The following TRPC7 variants were observed in gnomAD, a reference collection of about 807,000 sequenced individuals.
TRPC7 encodes short transient receptor potential channel 7.
In TRPC7, 42 loss-of-function variants were observed where a neutral mutation model predicts 90.1. The observed-to-expected ratio is 0.47, with a 90% CI of 0.36 to 0.60. The LOEUF (loss-of-function observed/expected upper bound fraction) is 0.60, where lower values mean the gene tolerates loss of function less well. Ranked by LOEUF, TRPC7 falls within the 20% of genes least tolerant of loss-of-function variation. The probability of loss-of-function intolerance (pLI) is 0.00; values close to 1 mark genes in which losing one functional copy is unlikely to be tolerated. For synonymous variants in TRPC7, 451 were observed against 436.3 expected, an observed-to-expected ratio of 1.03 and a Z score of -0.42; for missense variants, 955 against 1,112.3, an observed-to-expected ratio of 0.86 and a Z score of 2.01.
chr5:136,276,358 T>C (rs1280925488), intron 3 of TRPC7, among the ~76,000 whole-genome samples: 1 of 152,182 alleles, frequency 6.6e-6, no homozygotes, highest in Non-Finnish European at 1.5e-5. Flanking sequence ...ATCAACTGAG[T>C]ACCCTGGAAC....
chr5:136,351,809 AG>A (rs1760202414), intron 2 of TRPC7, among the ~76,000 whole-genome samples: 1 of 152,256 alleles, frequency 6.6e-6, no homozygotes, highest in South Asian at 2.1e-4. Context: ...GTAGTATTTT[AG>A]GCCCAGAGAA....
intron 11 of TRPC7, 29 bp from the exon 12 acceptor site, chr5:136,213,633 T>G (rs753412727): frequency 1.1e-5 from 17 of 1,611,988 alleles, no homozygotes; most frequent in Non-Finnish European, 1.3e-5. Context: ...TTTTGCTGAG[T>G]CTGAGTAGGT....
In TRPC7 at chr5:136,315,308, G is replaced by A. The variant is rs113357440; in HGVS notation, c.963+289C>T. On this transcript the variant is annotated intron_variant, in intron 3 of 11. Transcript: ENST00000513104. ...CCTCGCGGTGACATTGTCCCTGCCAGTGGGTTGAGGCTGAAGATGTCTTCT... is the reference window on the plus strand; with the variant it reads ...CCTCGCGGTGACATTGTCCCTGCCAATGGGTTGAGGCTGAAGATGTCTTCT... Among the ~76,000 whole-genome samples the A allele has an allele frequency of 3.2e-3, 486 of 152,314 alleles. 6 individuals carry two copies. Among genetic ancestry groups the A allele is most frequent in the Non-Finnish European group, 4.4e-3 (296 of 68,032 alleles).
At chr5:136,315,527 C>T in intron 3 of TRPC7, 70 bp downstream of exon 3, 3 of 1,545,510 alleles carry the variant, frequency 1.9e-6, no homozygotes, top group Non-Finnish European at 2.6e-6. Flanking sequence ...TAGACATGAG[C>T]AAAAAGCAAG....
Position 136,274,784 on chromosome 5 carries a change from A to G in TRPC7, c.1017T>C (p.Asn339=). 6.3e-7 allele frequency: 1 copy of G among 1,598,470 alleles called. No homozygotes were observed. Among genetic ancestry groups the G allele is most frequent in the Non-Finnish European group, 8.5e-7 (1 of 1,172,216 alleles). ...TAGACTGTTGACGTAAGCCTGAGAG[A>G]TTTTCATACCACATGGTAAGCAATT... ...QQQLLTMWYE[N]LSGLRQQSIA... The change falls in exon 4 of 12, where the codon AAT becomes AAC. Residue 339 remains asparagine (N), a synonymous_variant. Coordinates refer to ENST00000513104, the MANE Select transcript of TRPC7 (RefSeq NM_020389.3).
intron 5 of TRPC7, among the ~76,000 whole-genome samples, chr5:136,255,940 A>C (rs1756673933): frequency 1.3e-5 from 2 of 152,322 alleles, no homozygotes; most frequent in East Asian, 3.9e-4. Context: ...ATTGGGCTCA[A>C]ATCAGTTAGA....
chr5:136,356,348 CCTGT>C (rs1262187875), intron 2 of TRPC7, among the ~76,000 whole-genome samples: 1 of 152,250 alleles, frequency 6.6e-6, no homozygotes, highest in African/African-American at 2.4e-5. Flanking sequence ...CCTGCACTCG[CCTGT>C]CTTTTACTGC....
In TRPC7 at chr5:136,274,731, C is replaced by A; in HGVS notation, c.1070G>T (p.Gly357Val). The change falls in exon 4 of 12, where the codon GGA (glycine) becomes GTA (valine). Residue 357 changes from glycine to valine, a missense_variant. Physicochemically the swap from Gly to Val is moderately radical, Grantham distance 109 (BLOSUM62 -3). This residue lies in a region of TRPC7 where 484 missense variants were observed against 509.6 expected (regional missense o/e 0.95). Transcript: ENST00000513104. ...SIAVKFLAVF[G>V]VSIGLPFLAI... is the part of the protein sequence containing the mutation. ...GAGAAAAGGGAGGCCTATGGAGACT[C>A]CAAAGACAGCCAGGAATTTCACAGC... is the stretch of plus-strand genomic sequence containing the variant. 1 of 1,612,812 alleles carries A rather than the reference C, an allele frequency of 6.2e-7. No homozygotes were observed.
At chr5:136,295,556 C>A (rs889968691) in intron 3 of TRPC7, among the ~76,000 whole-genome samples, 7 of 152,144 alleles carry the variant, frequency 4.6e-5, no homozygotes, top group African/African-American at 1.7e-4. Context: ...CAGTCCCCTC[C>A]CCGTCCACTG....
intron 2 of TRPC7, among the ~76,000 whole-genome samples, chr5:136,352,738 C>T (rs552321613): frequency 1.3e-5 from 2 of 152,258 alleles, no homozygotes; most frequent in Admixed American, 1.3e-4. Flanking sequence ...GCTCCCAAAA[C>T]CCATTTTAGG....
intron 2 of TRPC7, among the ~76,000 whole-genome samples, chr5:136,338,759 G>A (rs548087431): frequency 7.6e-4 from 115 of 152,172 alleles, no homozygotes; most frequent in African/African-American, 2.5e-3. Context: ...TTCTTGATTG[G>A]CATTAAATGG....
At chr5:136,283,341 T>A (rs1051191928) in intron 3 of TRPC7, among the ~76,000 whole-genome samples, 1 of 152,218 alleles carries the variant, frequency 6.6e-6, no homozygotes, top group Non-Finnish European at 1.5e-5. Context: ...TAGATGTCCA[T>A]CTATTTTCCC....
chr5:136,226,098 CAG>C lies in TRPC7; in HGVS notation c.2196_2197del (p.Cys733GlnfsTer3). 6.2e-7 allele frequency: 1 copy of C among 1,604,294 alleles called. No homozygotes were observed. The highest frequency in any genetic ancestry group is 1.3e-5 in the African/African-American group (1 of 75,000). On this transcript the variant is annotated frameshift_variant, in exon 9 of 12. Transcript: ENST00000513104. LOFTEE classifies it high-confidence loss of function. ...TTCACAGCTTTTGGCCTTAGATTTG[CAG>C]AGTTTTATGAGGCACATCTTGATTC...
rs185493620 is a variant in TRPC7, at chr5:136,349,572, G to C, written c.780+7036C>G. Among the ~76,000 whole-genome samples, 254 of 151,924 alleles carry C rather than the reference G, an allele frequency of 1.7e-3. 1 individual carries two copies. Among genetic ancestry groups the C allele is most frequent in the African/African-American group, 6.0e-3 (251 of 41,532 alleles). ...ATCCTCACCAACACCCTGGGAGGTC[G>C]TTATTCATTAATTTGATCACTGATT... On this transcript the variant is annotated intron_variant, in intron 2 of 11. Coordinates refer to ENST00000513104, the MANE Select transcript of TRPC7 (RefSeq NM_020389.3).
At chr5:136,318,854 T>TA (rs146859082) in intron 2 of TRPC7, among the ~76,000 whole-genome samples, 7 of 152,094 alleles carry the variant, frequency 4.6e-5, no homozygotes, top group African/African-American at 1.7e-4. Context: ...GTTTTTTTTT[T>TA]ACCCACCTTA....
Position 136,228,929 on chromosome 5 carries a change from C to T in TRPC7, c.2040+2425G>A, listed in dbSNP as rs186428829. Among the ~76,000 whole-genome samples the T allele has an allele frequency of 2.7e-3, 417 of 152,308 alleles. 2 individuals are homozygous for T. Among genetic ancestry groups the T allele is most frequent in the Non-Finnish European group, 4.4e-3 (297 of 68,042 alleles). On this transcript the variant is annotated intron_variant, in intron 8 of 11. Transcript: ENST00000513104. ...ACATCACATGCCGTGGGCTTGCCTG[C>T]TCCTGCCCTCAGCTAGTGGGCATCC...
In TRPC7 at chr5:136,353,121, G is replaced by A. The variant is rs192237550; in HGVS notation, c.780+3487C>T. ...ATATCTTTCTAGATCCAAGATTAGA[G>A]AGACATAAGAAAATCCTTGAACAGC... On this transcript the variant is annotated intron_variant, in intron 2 of 11. Transcript: ENST00000513104. 2.9e-3 allele frequency among the ~76,000 whole-genome samples: 449 copies of A among 152,272 alleles called. 3 individuals carry two copies. The highest frequency in any genetic ancestry group is 0.01 in the African/African-American group (431 of 41,550).
intron 4 of TRPC7, 22 bp downstream of exon 4, chr5:136,274,651 A>G (rs776728997): frequency 6.3e-6 from 10 of 1,577,908 alleles, no homozygotes; most frequent in Non-Finnish European, 8.6e-6. Context: ...CGCAAACGAC[A>G]TGCACCTTAA....
At position 136,226,015 on chromosome 5, in the gene TRPC7, T is replaced by C; in HGVS notation, c.2262+19A>G. The C allele has an allele frequency of 6.4e-7, 1 of 1,567,634 alleles. No homozygotes were observed. Among genetic ancestry groups the C allele is most frequent in the Non-Finnish European group, 8.7e-7 (1 of 1,153,720 alleles). On this transcript the variant is annotated intron_variant, in intron 9 of 11. Transcript: ENST00000513104. ...CCTCCTGCTGCCTTCTCCAGCCTCA[T>C]AAACCACATGCTACCTACCTTGAAT... is the stretch of plus-strand genomic sequence containing the variant.
Sources: gnomAD v4.1 joint callset for allele counts (sites outside exome capture counted in the v4.1 genomes callset) on GRCh38, gnomAD v4.1.1 for gene constraint, gnomAD v4.1.1 regional missense constraint, MANE v1.5 for transcripts, NCBI Gene and HGNC (gene_info 2026-07-23, HGNC 2026-07-21) for gene names.